Variants in TMC7 observed in about 807,000 individuals in gnomAD.
The protein encoded by TMC7 is transmembrane channel like 7.
TMC7 carries 54 observed loss-of-function variants against 82.9 expected under a neutral mutation model. The observed-to-expected ratio is 0.65, with a 90% CI of 0.52 to 0.82. The LOEUF (loss-of-function observed/expected upper bound fraction) is 0.82. Among genes scored for constraint, TMC7 ranks in the 40% least tolerant of loss-of-function variants. TMC7 has a pLI of 0.00. For missense variants in TMC7, 820 were observed against 901.2 expected, an observed-to-expected ratio of 0.91 and a Z score of 1.15; for synonymous variants, 350 against 337.9, an observed-to-expected ratio of 1.04 and a Z score of -0.39.
chr16:19,016,816 T>G (rs1042265992), intron 3 of TMC7, among the ~76,000 whole-genome samples: 3 of 152,266 alleles, frequency 2.0e-5, no homozygotes, highest in African/African-American at 7.2e-5. Context: ...GTATTTATCT[T>G]GGAATACCGT....
At chr16:19,051,978 T>G (rs1036210562) in intron 13 of TMC7, among the ~76,000 whole-genome samples, 162 bp downstream of exon 13, 1 of 151,854 alleles carries the variant, frequency 6.6e-6, no homozygotes, top group Non-Finnish European at 1.5e-5. Context: ...CACTGCAACC[T>G]CCGTCTCCCA....
chr16:19,055,251 C>G (rs868664296), intron 13 of TMC7, among the ~76,000 whole-genome samples: 9 of 152,158 alleles, frequency 5.9e-5, no homozygotes, highest in Middle Eastern at 3.2e-3. Flanking sequence ...ACTAATGGCA[C>G]TCTCTTTTAT....
chr16:19,053,417 T>C (rs1961628020), intron 13 of TMC7, among the ~76,000 whole-genome samples: 1 of 152,166 alleles, frequency 6.6e-6, no homozygotes, highest in Non-Finnish European at 1.5e-5. Context: ...TTTTTTTTCT[T>C]TTTGAGACAG....
At chr16:19,005,029 G>A (rs951917162) in intron 1 of TMC7, among the ~76,000 whole-genome samples, 5 of 151,592 alleles carry the variant, frequency 3.3e-5, no homozygotes, top group Non-Finnish European at 7.4e-5. Flanking sequence ...GGAGTATTAA[G>A]TGTGACGATG....
At chr16:18,997,984 G>A (rs142593579) in intron 1 of TMC7, among the ~76,000 whole-genome samples, 53 of 151,688 alleles carry the variant, frequency 3.5e-4, no homozygotes, top group African/African-American at 1.0e-3. Context: ...CGCCCGCCTC[G>A]GTCTCCCAAA....
At chr16:19,010,716 A>G (rs529572003) in intron 2 of TMC7, among the ~76,000 whole-genome samples, 2 of 152,316 alleles carry the variant, frequency 1.3e-5, no homozygotes, top group Admixed American at 6.5e-5. Context: ...AAATCCTTCT[A>G]GTTTCAGTTG....
chr16:19,017,317 A>T (rs1280084495), intron 3 of TMC7, among the ~76,000 whole-genome samples: 1 of 150,332 alleles, frequency 6.7e-6, no homozygotes, highest in Non-Finnish European at 1.5e-5. Context: ...AGTATTATTT[A>T]AAAATAATAT....
In TMC7 at chr16:19,045,450, G is replaced by A. The variant is rs1243382331; in HGVS notation, c.1553+12G>A. ...GATTTTCCTAGAAAGTAAGTGCGAG[G>A]GGTGCCCATATTATCCCCCCCACCA... On this transcript the variant is annotated intron_variant, in intron 11 of 15. Coordinates refer to ENST00000304381, the MANE Select transcript of TMC7 (RefSeq NM_024847.4). The A allele has an allele frequency of 1.3e-6, 2 of 1,588,598 alleles. No individual in the cohort carries two copies. Among genetic ancestry groups the A allele is most frequent in the Admixed American group, 3.3e-5 (2 of 59,848 alleles).
At position 19,047,926 on chromosome 16, in the gene TMC7, C is replaced by G. The variant is rs144392260; in HGVS notation, c.1740+677C>G. ...ATCTTGGCCAAGCTGGTCTTGAACT[C>G]CTGACCTCGTGATCCACCCGCCTCG... On this transcript the variant is annotated intron_variant, in intron 12 of 15. Coordinates refer to ENST00000304381, the MANE Select transcript of TMC7 (RefSeq NM_024847.4). Among the ~76,000 whole-genome samples, 297 of 126,874 alleles carry G rather than the reference C, an allele frequency of 2.3e-3. 1 individual carries two copies. The highest frequency in any genetic ancestry group is 8.3e-3 in the African/African-American group (283 of 33,936). The allele number at this position is 126,874 out of a possible 152,430, so 83.2% of individuals were successfully genotyped here. A position where few individuals can be genotyped will look rare whatever the true frequency, so the allele number is the denominator to read the frequency against.
intron 2 of TMC7, among the ~76,000 whole-genome samples, chr16:19,013,944 C>T (rs1044520910): frequency 6.6e-6 from 1 of 151,298 alleles, no homozygotes; most frequent in Non-Finnish European, 1.5e-5. Context: ...AGCTCTGCCT[C>T]CCAGGTTCAC....
At chr16:19,057,342 C>T (rs982641231) in intron 14 of TMC7, among the ~76,000 whole-genome samples, 1 of 152,134 alleles carries the variant, frequency 6.6e-6, no homozygotes, top group Non-Finnish European at 1.5e-5. Flanking sequence ...GAGAGATGAA[C>T]ATCAGATTAG....
intron 13 of TMC7, among the ~76,000 whole-genome samples, chr16:19,052,583 G>C (rs902078193): frequency 6.6e-6 from 1 of 152,284 alleles, no homozygotes; most frequent in East Asian, 1.9e-4. Context: ...AGGCCCAGGT[G>C]GGGGTACTGG....
intron 1 of TMC7, among the ~76,000 whole-genome samples, chr16:19,001,094 C>G (rs1177208515): frequency 6.6e-6 from 1 of 152,154 alleles, no homozygotes; most frequent in Non-Finnish European, 1.5e-5. Context: ...GAATAATATT[C>G]AAGGGTTAAA....
chr16:19,020,361 G>A (rs968619190), intron 3 of TMC7, among the ~76,000 whole-genome samples: 4 of 151,998 alleles, frequency 2.6e-5, no homozygotes, highest in Admixed American at 6.6e-5. Flanking sequence ...GCGGGGGGAA[G>A]GATAATAATT....
intron 1 of TMC7, among the ~76,000 whole-genome samples, chr16:19,004,415 A>G (rs1344785293): frequency 1.3e-5 from 2 of 152,044 alleles, no homozygotes; most frequent in East Asian, 3.8e-4. Context: ...CCCAGGTTGG[A>G]GTGCAGTGGC....
chr16:19,038,012 G>A lies in TMC7; in HGVS notation c.1144G>A (p.Val382Ile), dbSNP rs747697177. The A allele has an allele frequency of 8.1e-6, 13 of 1,613,512 alleles. No homozygotes were observed. Among genetic ancestry groups the A allele is most frequent in the Non-Finnish European group, 4.2e-6 (5 of 1,179,910 alleles). ...AGGGGCATGCTTTTATGCAATATAC[G>A]TAGCAACTGTCTTCTCGCAAGAGCA... ...VLGACFYAIY[V>I]ATVFSQEHMK... is the part of the protein sequence containing the mutation. Residue 382 changes from valine (V) to isoleucine (I), a missense_variant, in exon 8 of 16, where the codon GTA (valine) becomes ATA (isoleucine). Val to Ile is a conservative substitution (Grantham distance 29, BLOSUM62 3). Around this residue, in one of 2 missense-constraint regions of TMC7, gnomAD observed 650 missense variants for 669.9 expected, o/e 0.97. Coordinates refer to ENST00000304381, the MANE Select transcript of TMC7 (RefSeq NM_024847.4).
chr16:19,022,905 A>G (rs1398918277), intron 4 of TMC7, among the ~76,000 whole-genome samples: 1 of 152,148 alleles, frequency 6.6e-6, no homozygotes, highest in Admixed American at 6.6e-5. Flanking sequence ...CTATGATCCC[A>G]GCTACTTGGG....
intron 5 of TMC7, among the ~76,000 whole-genome samples, chr16:19,026,743 A>G (rs1960250467): frequency 6.6e-6 from 1 of 152,056 alleles, no homozygotes; most frequent in Non-Finnish European, 1.5e-5. Flanking sequence ...TGTGCTGTAT[A>G]ACAATGGAAC....
intron 2 of TMC7, among the ~76,000 whole-genome samples, chr16:19,014,030 A>AT (rs1959538155): frequency 6.6e-6 from 1 of 150,526 alleles, no homozygotes; most frequent in Non-Finnish European, 1.5e-5. Context: ...ATTTTTTTGT[A>AT]TTTTTTATTT....
Sources: allele counts gnomAD v4.1 joint callset (sites outside exome capture counted in the v4.1 genomes callset), GRCh38; gene constraint gnomAD v4.1.1; regional missense constraint gnomAD v4.1.1; transcripts MANE v1.5; gene names NCBI Gene and HGNC (gene_info 2026-07-23, HGNC 2026-07-21).